CDH13: variants seen among roughly 807,000 people sequenced by gnomAD.
CDH13 encodes the protein cadherin-13.
A neutral mutation model predicts 63.8 loss-of-function variants in CDH13; 24 were observed. The observed-to-expected ratio is 0.38, with a 90% confidence interval of 0.27 to 0.53. CDH13 has a LOEUF of 0.53. Ranked by LOEUF, CDH13 falls within the 20% of genes least tolerant of loss-of-function variation. The pLI, the probability that CDH13 is intolerant of heterozygous loss-of-function variation, is 0.85. For missense variants in CDH13, 1,049 were observed against 903.1 expected, an observed-to-expected ratio of 1.16 and a Z score of -2.07; for synonymous variants, 503 against 355.3, an observed-to-expected ratio of 1.42 and a Z score of -4.67.
chr16:83,374,987 A>C (rs1016024287), intron 6 of CDH13, among the ~76,000 whole-genome samples: 4 of 152,202 alleles, frequency 2.6e-5, no homozygotes, highest in Admixed American at 6.5e-5. Flanking sequence ...CATCTCAAGA[A>C]ATTCCGAAAA....
intron 1 of CDH13, among the ~76,000 whole-genome samples, chr16:82,811,352 G>A (rs534297638): frequency 4.5e-4 from 68 of 152,262 alleles, no homozygotes; most frequent in African/African-American, 1.5e-3. Context: ...ATATACTTAT[G>A]TATTTAATAA....
intron 4 of CDH13, among the ~76,000 whole-genome samples, chr16:83,154,280 A>C (rs1438776278): frequency 1.3e-5 from 2 of 152,130 alleles, no homozygotes; most frequent in African/African-American, 4.8e-5. Context: ...CTTTTGGCCA[A>C]GTGCAGTGGC....
intron 5 of CDH13, among the ~76,000 whole-genome samples, chr16:83,329,400 AT>A (rs202092421): frequency 0.054 from 7,589 of 139,368 alleles, 217 homozygotes; most frequent in African/African-American, 0.084. Context: ...TAATTTTTGT[AT>A]TTTTTTTTTT....
At chr16:82,701,949 G>T (rs1051322680) in intron 1 of CDH13, among the ~76,000 whole-genome samples, 1 of 151,424 alleles carries the variant, frequency 6.6e-6, no homozygotes, top group Non-Finnish European at 1.5e-5. Context: ...GTTTCCCCGA[G>T]GAAATTGGAG....
chr16:83,454,746 A>T (rs1299372320), intron 6 of CDH13, among the ~76,000 whole-genome samples: 2 of 151,908 alleles, frequency 1.3e-5, no homozygotes, highest in Non-Finnish European at 2.9e-5. Flanking sequence ...TCTTGCTATT[A>T]CACAGGCAGG....
chr16:83,527,014 C>G (rs956368739), intron 7 of CDH13, among the ~76,000 whole-genome samples: 1 of 152,028 alleles, frequency 6.6e-6, no homozygotes, highest in African/African-American at 2.4e-5. Flanking sequence ...CACCTGTAAT[C>G]CCAGCTATTT....
chr16:83,144,901 C>T (rs749819506), intron 4 of CDH13, among the ~76,000 whole-genome samples: 2 of 152,172 alleles, frequency 1.3e-5, no homozygotes, highest in African/African-American at 4.8e-5. Context: ...CCCTGGGCTG[C>T]AGAGGGTAGG....
chr16:83,489,274 G>A (rs2073958557), intron 7 of CDH13, among the ~76,000 whole-genome samples: 1 of 152,150 alleles, frequency 6.6e-6, no homozygotes, highest in South Asian at 2.1e-4. Flanking sequence ...CTTTCATTAA[G>A]TTGTAATAAG....
intron 1 of CDH13, among the ~76,000 whole-genome samples, chr16:82,835,733 C>G (rs993883421): frequency 1.3e-5 from 2 of 152,196 alleles, no homozygotes; most frequent in Non-Finnish European, 2.9e-5. Flanking sequence ...GGTCTCAACT[C>G]ATGCACAGGA....
At chr16:82,663,256 G>A (rs183605639) in intron 1 of CDH13, among the ~76,000 whole-genome samples, 6 of 152,240 alleles carry the variant, frequency 3.9e-5, no homozygotes, top group Admixed American at 2.0e-4. Flanking sequence ...GCGCGATCTC[G>A]GCTCACCGCA....
chr16:83,766,333 T>C (rs993785650), intron 11 of CDH13, among the ~76,000 whole-genome samples: 1 of 152,210 alleles, frequency 6.6e-6, no homozygotes, highest in Non-Finnish European at 1.5e-5. Context: ...GTTTTTTAAA[T>C]CAAATTATAG....
intron 2 of CDH13, among the ~76,000 whole-genome samples, chr16:82,888,378 GTTC>G (rs1273354029): frequency 3.9e-5 from 6 of 152,206 alleles, no homozygotes; most frequent in African/African-American, 9.6e-5. Context: ...CTGTCATCAA[GTTC>G]TTCTTCTCTG....
intron 11 of CDH13, among the ~76,000 whole-genome samples, chr16:83,772,148 A>G (rs1839801175): frequency 6.6e-6 from 1 of 152,216 alleles, no homozygotes; most frequent in South Asian, 2.1e-4. Context: ...AAATAGACTC[A>G]ATATTAAGAA....
intron 8 of CDH13, among the ~76,000 whole-genome samples, chr16:83,646,712 A>AAAAAAACAC (rs1168012793): frequency 0.03 from 2,365 of 80,050 alleles, 256 homozygotes; most frequent in East Asian, 0.065. Context: ...AAAAAAAAAA[A>AAAAAAACAC]ACACACACAC....
chr16:83,058,160 C>T (rs1052649338), intron 3 of CDH13, among the ~76,000 whole-genome samples: 5 of 152,058 alleles, frequency 3.3e-5, no homozygotes, highest in African/African-American at 7.2e-5. Context: ...TCATGAGTTA[C>T]GTCTTTTATC....
chr16:83,102,878 C>T (rs1597340001), intron 3 of CDH13, among the ~76,000 whole-genome samples: 1 of 143,930 alleles, frequency 6.9e-6, no homozygotes, highest in South Asian at 2.1e-4. Context: ...CTGGAAGAGA[C>T]AGTGAATAAA....
chr16:82,719,550 A>G (rs1567463745), intron 1 of CDH13: 1 of 415,304 alleles, frequency 2.4e-6, no homozygotes, highest in Non-Finnish European at 4.8e-6. Flanking sequence ...TAAGCATTTG[A>G]TTAAAACAAG....
chr16:83,287,050 G>A (rs931450980), intron 5 of CDH13, among the ~76,000 whole-genome samples: 3 of 152,164 alleles, frequency 2.0e-5, no homozygotes, highest in Admixed American at 1.3e-4. Flanking sequence ...ACCTTCATGA[G>A]CGCATGCTGA....
intron 7 of CDH13, among the ~76,000 whole-genome samples, chr16:83,498,046 A>G (rs1434601691): frequency 1.3e-5 from 2 of 152,232 alleles, no homozygotes; most frequent in African/African-American, 2.4e-5. Context: ...GGTTACAGTA[A>G]TTTTTAAAAA....
Sources: allele counts gnomAD v4.1 joint callset (sites outside exome capture counted in the v4.1 genomes callset), GRCh38; gene constraint gnomAD v4.1.1; transcripts MANE v1.5; gene names NCBI Gene and HGNC (gene_info 2026-07-23, HGNC 2026-07-21).